TENM2: variants seen among roughly 807,000 people sequenced by gnomAD.
The protein encoded by TENM2 is teneurin transmembrane protein 2.
Under a neutral mutation model 245.2 loss-of-function variants are expected in TENM2, and 52 were observed. The observed-to-expected ratio is 0.21, with a 90% confidence interval of 0.17 to 0.27. The LOEUF (loss-of-function observed/expected upper bound fraction) is 0.27. TENM2 is among the 10% of genes least tolerant of loss of function. The pLI is 1.00. For synonymous variants in TENM2, 1,363 were observed against 1,438.9 expected (o/e 0.95, Z 1.19); for missense variants, 3,046 against 3,666.8 (o/e 0.83, Z 4.37).
rs554922229 is a variant in TENM2, at chr5:168,222,264, T to A, written c.5108+3265T>A. Among the ~76,000 whole-genome samples the A allele has an allele frequency of 5.3e-5, 8 of 152,334 alleles. No individual in the cohort carries two copies. The South Asian group carries it at 1.7e-3, about 32-fold the overall frequency. ...CCCACCTCCCAGTGCTGCCTGCTGG[T>A]CTCTCATCCCCTGCAGGAGCAGAGT... On this transcript the variant is annotated intron_variant, in intron 23 of 28. Coordinates refer to ENST00000518659, the Ensembl canonical transcript of TENM2.
chr5:167,186,371 G>A, the TENM2 span, among the ~76,000 whole-genome samples: 1 of 152,164 alleles, frequency 6.6e-6, no homozygotes, highest in African/African-American at 2.4e-5. Context: ...GAGTTTGGGG[G>A]TGAAAAACTG....
At chr5:167,350,476 T>C (rs1200156666) in intron 1 of TENM2, among the ~76,000 whole-genome samples, 1 of 149,144 alleles carries the variant, frequency 6.7e-6, no homozygotes, top group Non-Finnish European at 1.5e-5. Flanking sequence ...GGGGTATATG[T>C]ATATATCCTA....
At chr5:167,860,074 C>T (rs1446976293) in intron 2 of TENM2, among the ~76,000 whole-genome samples, 7 of 93,712 alleles carry the variant, frequency 7.5e-5, no homozygotes, top group Non-Finnish European at 5.0e-5. Flanking sequence ...GGGTCAGCCC[C>T]CCTGCCCGGC....
At chr5:167,991,364 C>T (rs994938048) in intron 4 of TENM2, among the ~76,000 whole-genome samples, 5 of 152,142 alleles carry the variant, frequency 3.3e-5, no homozygotes, top group Non-Finnish European at 7.4e-5. Flanking sequence ...GAACATAGGA[C>T]GAACAAGGTA....
the TENM2 span, among the ~76,000 whole-genome samples, chr5:166,988,851 C>T: frequency 5.9e-5 from 9 of 152,296 alleles, no homozygotes; most frequent in South Asian, 1.9e-3. Context: ...TTCTAACGGT[C>T]CCTGGCTCAC....
intron 2 of TENM2, among the ~76,000 whole-genome samples, chr5:167,619,637 A>C (rs2127767082): frequency 6.6e-6 from 1 of 152,258 alleles, no homozygotes; most frequent in South Asian, 2.1e-4. Flanking sequence ...GATTAAAATA[A>C]ATTGTGCATT....
At chr5:167,555,040 T>C (rs963290205) in intron 2 of TENM2, among the ~76,000 whole-genome samples, 3 of 152,154 alleles carry the variant, frequency 2.0e-5, no homozygotes, top group African/African-American at 4.8e-5. Context: ...ATGGTACCAA[T>C]TGAAGTAAAC....
chr5:167,243,454 A>T, the TENM2 span, among the ~76,000 whole-genome samples: 41 of 152,096 alleles, frequency 2.7e-4, 2 homozygotes, highest in South Asian at 8.5e-3. Flanking sequence ...GGAAGTGAAG[A>T]TTGGTGGGAG....
At chr5:168,017,708 G>A (rs1581069466) in intron 5 of TENM2, among the ~76,000 whole-genome samples, 1 of 152,242 alleles carries the variant, frequency 6.6e-6, no homozygotes, top group Non-Finnish European at 1.5e-5. Context: ...GGTCAATGTG[G>A]GTCACCTTCC....
At chr5:167,838,929 C>T (rs1342747928) in intron 2 of TENM2, among the ~76,000 whole-genome samples, 2 of 152,078 alleles carry the variant, frequency 1.3e-5, no homozygotes, top group African/African-American at 2.4e-5. Context: ...GACCGCAGGG[C>T]GTGGAGTCAG....
At chr5:167,411,733 T>G (rs1253205125) in intron 2 of TENM2, among the ~76,000 whole-genome samples, 2 of 152,014 alleles carry the variant, frequency 1.3e-5, no homozygotes, top group African/African-American at 2.4e-5. Context: ...CATTAATAAC[T>G]CTCTCTGTTG....
the TENM2 span, among the ~76,000 whole-genome samples, chr5:167,087,237 CT>C: frequency 1.3e-5 from 2 of 152,104 alleles, no homozygotes; most frequent in South Asian, 2.1e-4. Flanking sequence ...TATTTTGTCC[CT>C]CCTATAAAAA....
intron 1 of TENM2, chr5:167,303,125 G>A (rs564272114): frequency 2.1e-4 from 35 of 164,128 alleles, no homozygotes; most frequent in Non-Finnish European, 4.1e-4. Flanking sequence ...CCGCTTACCC[G>A]ATTTAAAATT....
chr5:167,064,716 T>C, the TENM2 span, among the ~76,000 whole-genome samples: 1 of 152,226 alleles, frequency 6.6e-6, no homozygotes, highest in Non-Finnish European at 1.5e-5. Flanking sequence ...TCTTGAAGTA[T>C]CCTTACAGTT....
intron 3 of TENM2, among the ~76,000 whole-genome samples, chr5:167,909,599 CTTTA>C (rs773643143): frequency 1.6e-4 from 24 of 152,258 alleles, no homozygotes; most frequent in South Asian, 1.0e-3. Flanking sequence ...AAGATCTAAT[CTTTA>C]TTTAACAATC....
the TENM2 span, among the ~76,000 whole-genome samples, chr5:167,221,807 T>C: frequency 3.3e-5 from 5 of 152,324 alleles, no homozygotes; most frequent in African/African-American, 9.6e-5. Flanking sequence ...TCTTTCTGCA[T>C]CCAAATTCAG....
chr5:168,203,881 G>A (rs746931815), intron 18 of TENM2, 49 bp downstream of exon 20: 2 of 1,541,226 alleles, frequency 1.3e-6, no homozygotes, highest in South Asian at 2.4e-5. Context: ...CACTTCTCTG[G>A]AACCTTGTCT....
At chr5:167,054,679 T>A in the TENM2 span, among the ~76,000 whole-genome samples, 7 of 152,278 alleles carry the variant, frequency 4.6e-5, no homozygotes, top group South Asian at 1.0e-3. Context: ...TTGCTCCACA[T>A]CCTAACCAGG....
intron 1 of TENM2, among the ~76,000 whole-genome samples, chr5:167,336,003 C>G (rs1012517422): frequency 1.3e-5 from 2 of 152,070 alleles, no homozygotes; most frequent in African/African-American, 4.8e-5. Context: ...GGCTAACTAA[C>G]TATCTCAGAC....
Sources: gnomAD v4.1 joint callset for allele counts (sites outside exome capture counted in the v4.1 genomes callset) on GRCh38, gnomAD v4.1.1 for gene constraint, MANE v1.5 for transcripts, NCBI Gene and HGNC (gene_info 2026-07-23, HGNC 2026-07-21) for gene names.